Variants in WDR49 observed in about 807,000 individuals in gnomAD.
WDR49 encodes cilia- and flagella-associated protein 337.
Under a neutral mutation model 119.5 loss-of-function variants are expected in WDR49, and 107 were observed. The observed-to-expected ratio is 0.90, with a 90% CI of 0.77 to 1.05. The LOEUF (loss-of-function observed/expected upper bound fraction) is 1.05. Among genes scored for constraint, WDR49 ranks in the 50% least tolerant of loss-of-function variants. The probability of loss-of-function intolerance (pLI) is 0.00; values close to 1 mark genes in which losing one functional copy is unlikely to be tolerated. For missense variants in WDR49, 1,240 were observed against 1,220.5 expected (o/e 1.02, Z -0.24); for synonymous variants, 425 against 418.8 (o/e 1.01, Z -0.18).
At position 167,576,158 on chromosome 3, in the gene WDR49, GA is replaced by G; in HGVS notation, c.1276-8del. 2.5e-6 allele frequency: 4 copies of G among 1,609,078 alleles called. No individual in the cohort carries two copies. The highest frequency in any genetic ancestry group is 3.4e-6 in the Non-Finnish European group (4 of 1,176,802). The stretch of plus-strand genomic sequence containing the variant: ...TATCCCAGAGTCTCAAAACCTGGAT[GA>G]AAAGTGATAAAATCATTTCAATATG... On this transcript the variant is annotated splice_region_variant and splice_polypyrimidine_tract_variant and intron_variant, in intron 7 of 18. Coordinates refer to ENST00000682715, the MANE Select transcript of WDR49 (RefSeq NM_001366157.1).
intron 10 of WDR49, among the ~76,000 whole-genome samples, chr3:167,538,217 C>T (rs1210275674): frequency 6.6e-6 from 1 of 152,004 alleles, no homozygotes; most frequent in Non-Finnish European, 1.5e-5. Context: ...TTTCCATTTG[C>T]CAGTTGACAG....
rs150732095 is a variant in WDR49 at position 167,602,177 on chromosome 3, C to T, written c.1225G>A (p.Val409Ile). ...TGTTTTCTTTCCACAAAGAATTGGA[C>T]GGCTATTACACTGGCTGAGTGGCCC... ...LWGHSASVIA[V>I]QFFVERKQLF... The change falls in exon 7 of 19, where the codon GTC becomes ATC. Residue 409 changes from valine to isoleucine, a missense_variant. By Grantham distance (29) the Val-to-Ile change is conservative. Coordinates refer to ENST00000682715, the MANE Select transcript of WDR49 (RefSeq NM_001366157.1). 8.4e-5 allele frequency: 134 copies of T among 1,603,722 alleles called. No individual in the cohort carries two copies. In the African/African-American group the frequency reaches 1.3e-3, roughly 16 times the overall value.
chr3:167,527,735 G>A, intron 15 of WDR49, 85 bp downstream of exon 15: 4 of 1,328,134 alleles, frequency 3.0e-6, no homozygotes, highest in Non-Finnish European at 4.1e-6. Flanking sequence ...ACATTAAACA[G>A]CTGATGAGAT....
chr3:167,564,677 A>G (rs1451948874), intron 8 of WDR49, among the ~76,000 whole-genome samples: 2 of 152,218 alleles, frequency 1.3e-5, no homozygotes, highest in African/African-American at 4.8e-5. Context: ...GGGCCTCCTC[A>G]GTAGATCGTT....
intron 2 of WDR49, among the ~76,000 whole-genome samples, chr3:167,630,475 G>A (rs1236979832): frequency 7.2e-5 from 11 of 152,078 alleles, no homozygotes; most frequent in Admixed American, 7.2e-4. Context: ...TACTGCAGTG[G>A]TCTGGAACCA....
chr3:167,541,038 A>G (rs1383918602), intron 10 of WDR49, among the ~76,000 whole-genome samples: 1 of 152,106 alleles, frequency 6.6e-6, no homozygotes, highest in East Asian at 1.9e-4. Flanking sequence ...AAAGACTCCA[A>G]GAAATTTGAG....
rs540765685 is a variant in WDR49, at chr3:167,503,059, T to C, written c.2884+2248A>G. ...CACAGGCCCACAGGCATAGAAGGAA[T>C]ACACCACTGTTCTCCATATCCGTGC... On this transcript the variant is annotated intron_variant, in intron 17 of 18. Coordinates refer to ENST00000682715, the MANE Select transcript of WDR49 (RefSeq NM_001366157.1). Among the ~76,000 whole-genome samples, 5 of 152,312 alleles carry C rather than the reference T, an allele frequency of 3.3e-5. No individual in the cohort carries two copies. In the East Asian group the frequency reaches 9.7e-4, roughly 29 times the overall value.
chr3:167,576,833 TA>T (rs1185025119), intron 7 of WDR49, among the ~76,000 whole-genome samples: 1 of 152,142 alleles, frequency 6.6e-6, no homozygotes, highest in Non-Finnish European at 1.5e-5. Context: ...AATAGAAAAC[TA>T]ATACAGTTCT....
rs752964692 is a variant in WDR49, at chr3:167,527,998, C to G, written c.2426G>C (p.Ser809Thr). The change falls in exon 15 of 19, where the codon AGT becomes ACT. Residue 809 changes from serine to threonine, a missense_variant. Physicochemically the swap from Ser to Thr is moderately conservative, Grantham distance 58. Transcript: ENST00000682715. ...TGGGGCCTTGGTGATTTTGTTCTTACTGGAGTTAAGACAGTACTCCTGAAT... is the reference window on the plus strand; with the variant it reads ...TGGGGCCTTGGTGATTTTGTTCTTAGTGGAGTTAAGACAGTACTCCTGAAT... The part of the protein sequence containing the change: ...WNIEEYCLNS[S>T]KNKITKAPTL... 1 of 1,612,890 alleles carries G rather than the reference C, an allele frequency of 6.2e-7. No individual in the cohort carries two copies. Among genetic ancestry groups the G allele is most frequent in the East Asian group, 2.2e-5 (1 of 44,798 alleles).
chr3:167,507,933 T>G (rs1333048006), intron 16 of WDR49, among the ~76,000 whole-genome samples: 1 of 151,160 alleles, frequency 6.6e-6, no homozygotes, highest in Non-Finnish European at 1.5e-5. Context: ...AAGTGATGGA[T>G]GAAGACAAAG....
At chr3:167,566,976 G>T in intron 8 of WDR49, 1 of 575,748 alleles carries the variant, frequency 1.7e-6, no homozygotes, top group South Asian at 2.3e-5. Context: ...GGAAAGGGAG[G>T]CAGGAGGTCA....
At chr3:167,571,255 GA>G (rs1181482195) in intron 8 of WDR49, among the ~76,000 whole-genome samples, 1 of 152,084 alleles carries the variant, frequency 6.6e-6, no homozygotes, top group Non-Finnish European at 1.5e-5. Flanking sequence ...TCTGGATTAT[GA>G]AAAACCCCAC....
At chr3:167,553,620 T>C (rs1188114240) in intron 10 of WDR49, among the ~76,000 whole-genome samples, 1 of 152,150 alleles carries the variant, frequency 6.6e-6, no homozygotes, top group East Asian at 1.9e-4. Context: ...GCTAAACTTA[T>C]TCATTGCCAT....
intron 7 of WDR49, among the ~76,000 whole-genome samples, chr3:167,590,810 A>AAAGTTAGTCTGGCT (rs1015600834): frequency 9.2e-5 from 14 of 151,824 alleles, no homozygotes; most frequent in African/African-American, 3.4e-4. Context: ...TTCTGGCTAG[A>AAAGTTAGTCTGGCT]AAGTTAGTCT....
intron 8 of WDR49, among the ~76,000 whole-genome samples, chr3:167,573,744 T>C (rs939032931): frequency 6.6e-6 from 1 of 152,172 alleles, no homozygotes; most frequent in African/African-American, 2.4e-5. Context: ...CTCAATTCTA[T>C]GCTTTATGTT....
intron 7 of WDR49, among the ~76,000 whole-genome samples, chr3:167,595,436 T>G (rs1020856017): frequency 2.3e-3 from 351 of 152,100 alleles, no homozygotes; most frequent in Admixed American, 4.5e-3. Context: ...AAAGAACAAA[T>G]CTGGAGGCAT....
intron 8 of WDR49, among the ~76,000 whole-genome samples, chr3:167,563,224 G>A (rs1024769017): frequency 6.6e-6 from 1 of 151,798 alleles, no homozygotes; most frequent in Non-Finnish European, 1.5e-5. Context: ...CGTGGTGGCG[G>A]GTGCCTGTAG....
intron 9 of WDR49, among the ~76,000 whole-genome samples, chr3:167,556,255 A>G (rs1712923088): frequency 2.0e-5 from 3 of 152,198 alleles, no homozygotes; most frequent in Non-Finnish European, 4.4e-5. Context: ...AGTTTTCACT[A>G]TGTCTAAATT....
chr3:167,479,119 G>A, intron 18 of WDR49, 123 bp from the exon 19 acceptor site: 2 of 726,478 alleles, frequency 2.8e-6, no homozygotes, highest in East Asian at 2.9e-5. Flanking sequence ...CTAAAACACA[G>A]AGTGTATTTG....
Sources: gnomAD v4.1 joint callset for allele counts (sites outside exome capture counted in the v4.1 genomes callset) on GRCh38, gnomAD v4.1.1 for gene constraint, MANE v1.5 for transcripts, NCBI Gene and HGNC (gene_info 2026-07-23, HGNC 2026-07-21) for gene names.